Variants in SLC35D4 observed in about 807,000 individuals in gnomAD.
The protein encoded by SLC35D4 is UDP-N-acetylglucosamine transporter SLC35D4.
the SLC35D4 span, among the ~76,000 whole-genome samples, chr18:23,418,025 T>G: frequency 6.6e-6 from 1 of 152,222 alleles, no homozygotes. Flanking sequence ...TTTGTTTAAA[T>G]GAAGCCCAAT....
the SLC35D4 span, among the ~76,000 whole-genome samples, chr18:23,437,582 G>T: frequency 6.6e-6 from 1 of 152,146 alleles, no homozygotes; most frequent in African/African-American, 2.4e-5. Context: ...GCTTTACAGT[G>T]CAGGAAACGG....
the SLC35D4 span, among the ~76,000 whole-genome samples, chr18:23,271,597 C>T: frequency 1.3e-5 from 2 of 152,152 alleles, no homozygotes; most frequent in African/African-American, 4.8e-5. Flanking sequence ...GTGTTCACAA[C>T]AAGCCCCTTT....
the SLC35D4 span, among the ~76,000 whole-genome samples, chr18:23,293,048 T>C: frequency 6.6e-6 from 1 of 152,148 alleles, no homozygotes; most frequent in Non-Finnish European, 1.5e-5. Context: ...GGGACCAGCC[T>C]GACCAATGTT....
At chr18:23,359,876 A>C in the SLC35D4 span, among the ~76,000 whole-genome samples, 1 of 152,196 alleles carries the variant, frequency 6.6e-6, no homozygotes, top group Non-Finnish European at 1.5e-5. Flanking sequence ...TTCCTCTACT[A>C]TACTTAAAAG....
At chr18:23,411,460 G>T in the SLC35D4 span, among the ~76,000 whole-genome samples, 1 of 143,636 alleles carries the variant, frequency 7.0e-6, no homozygotes, top group African/African-American at 2.6e-5. Context: ...GATAAAGAAA[G>T]AAAGAAAAAA....
At chr18:23,428,852 C>T in the SLC35D4 span, among the ~76,000 whole-genome samples, 4,039 of 152,320 alleles carry the variant, frequency 0.027, 60 homozygotes, top group Middle Eastern at 0.061. Context: ...TAACTCTCCC[C>T]TTGGGGAATC....
At chr18:23,393,256 A>G in the SLC35D4 span, among the ~76,000 whole-genome samples, 1 of 152,020 alleles carries the variant, frequency 6.6e-6, no homozygotes, top group Non-Finnish European at 1.5e-5. Flanking sequence ...ATACATCACA[A>G]AAAGTTGCCA....
At chr18:23,286,772 A>G in the SLC35D4 span, among the ~76,000 whole-genome samples, 1 of 151,984 alleles carries the variant, frequency 6.6e-6, no homozygotes, top group African/African-American at 2.4e-5. Context: ...TACTCTTTTA[A>G]GCACTCCTTT....
chr18:23,377,728 TAAAAG>T, the SLC35D4 span: 13 of 1,434,200 alleles, frequency 9.1e-6, no homozygotes, highest in Middle Eastern at 7.4e-4. Flanking sequence ...AAATTCCTCT[TAAAAG>T]GAAACATTTT....
the SLC35D4 span, among the ~76,000 whole-genome samples, chr18:23,386,355 C>A: frequency 1.3e-5 from 2 of 151,974 alleles, no homozygotes; most frequent in Admixed American, 6.6e-5. Flanking sequence ...AGAGAAGGGG[C>A]AATGTGACCA....
chr18:23,286,984 A>G, the SLC35D4 span, among the ~76,000 whole-genome samples: 1 of 150,790 alleles, frequency 6.6e-6, no homozygotes, highest in East Asian at 1.9e-4. Context: ...TTGGCGACTG[A>G]TCATGCACCC....
chr18:23,295,180 A>C, the SLC35D4 span, among the ~76,000 whole-genome samples: 1 of 151,298 alleles, frequency 6.6e-6, no homozygotes, highest in Non-Finnish European at 1.5e-5. Context: ...GAACACGGAC[A>C]CAGAGAGAGG....
At chr18:23,300,689 C>T in the SLC35D4 span, among the ~76,000 whole-genome samples, 1 of 152,200 alleles carries the variant, frequency 6.6e-6, no homozygotes, top group African/African-American at 2.4e-5. Context: ...ATCTTAATAG[C>T]ATTACAACTA....
At chr18:23,379,702 G>T in the SLC35D4 span, among the ~76,000 whole-genome samples, 2 of 152,206 alleles carry the variant, frequency 1.3e-5, no homozygotes, top group East Asian at 3.8e-4. Context: ...GTTCATGGCA[G>T]TCATTTTCCT....
At chr18:23,262,251 G>A in the SLC35D4 span, among the ~76,000 whole-genome samples, 1 of 152,302 alleles carries the variant, frequency 6.6e-6, no homozygotes, top group East Asian at 1.9e-4. Flanking sequence ...GATGTAAACT[G>A]GACTAAGCAA....
At chr18:23,376,840 G>A in the SLC35D4 span, 2 of 456,670 alleles carry the variant, frequency 4.4e-6, no homozygotes, top group East Asian at 6.9e-5. Flanking sequence ...ATTACATCAG[G>A]TATCATGAGC....
the SLC35D4 span, chr18:23,253,579 G>A: frequency 4.3e-5 from 28 of 655,630 alleles, no homozygotes; most frequent in East Asian, 1.4e-4. Context: ...CATGCATAAC[G>A]CAGCCTTCAC....
At chr18:23,410,074 A>C in the SLC35D4 span, among the ~76,000 whole-genome samples, 1 of 152,156 alleles carries the variant, frequency 6.6e-6, no homozygotes, top group Non-Finnish European at 1.5e-5. Flanking sequence ...TATGAGAGGG[A>C]ACCTAGAAGC....
the SLC35D4 span, among the ~76,000 whole-genome samples, chr18:23,266,709 C>G: frequency 1.3e-5 from 2 of 152,240 alleles, no homozygotes; most frequent in Non-Finnish European, 2.9e-5. Context: ...TTGAGCAGCT[C>G]AATGGGGTGA....
Sources: allele counts gnomAD v4.1 joint callset (sites outside exome capture counted in the v4.1 genomes callset), GRCh38; gene constraint gnomAD v4.1.1; transcripts MANE v1.5; gene names NCBI Gene and HGNC (gene_info 2026-07-23, HGNC 2026-07-21).